The following NAV3 variants were observed in gnomAD, a reference collection of about 807,000 sequenced individuals.
The protein encoded by NAV3 is neuron navigator 3.
Under a neutral mutation model 244.7 loss-of-function variants are expected in NAV3, and 87 were observed. The observed-to-expected ratio is 0.36, with a 90% CI of 0.30 to 0.42. NAV3 has a LOEUF of 0.42. NAV3 is among the 20% of genes least tolerant of loss of function. NAV3 has a pLI of 1.00. For synonymous variants in NAV3, 1,126 were observed against 1,042.2 expected (o/e 1.08, Z -1.55); for missense variants, 2,663 against 2,893.3 (o/e 0.92, Z 1.83).
intron 1 of NAV3, among the ~76,000 whole-genome samples, chr12:77,880,265 G>A (rs929098484): frequency 6.6e-6 from 1 of 152,162 alleles, no homozygotes; most frequent in African/African-American, 2.4e-5. Context: ...CCAGCAGGAA[G>A]CCTGAGGAAG....
At chr12:78,138,200 C>T (rs1198494648) in intron 19 of NAV3, among the ~76,000 whole-genome samples, 1 of 152,024 alleles carries the variant, frequency 6.6e-6, no homozygotes, top group Non-Finnish European at 1.5e-5. Context: ...AGAAAAGTCT[C>T]CAAATCTTGA....
chr12:78,022,341 A>G (rs1476551823), intron 9 of NAV3, among the ~76,000 whole-genome samples: 1 of 152,150 alleles, frequency 6.6e-6, no homozygotes, highest in Non-Finnish European at 1.5e-5. Flanking sequence ...AGACACAGTT[A>G]TCATGTTTTT....
In NAV3 at chr12:77,952,142, T is replaced by G. The variant is rs189118767; in HGVS notation, c.414+11009T>G. Among the ~76,000 whole-genome samples the G allele has an allele frequency of 9.1e-4, 139 of 152,194 alleles. 1 individual carries two copies. The highest frequency in any genetic ancestry group is 6.8e-3 in the Middle Eastern group (2 of 294). On this transcript the variant is annotated intron_variant, in intron 3 of 39. Transcript: ENST00000397909. ...GTTCTTTGTAAACTTCGGATGATGA[T>G]TGTGTCTTCTGTAAATATTTCTGCT...
At chr12:77,829,307 A>ATTTTT (rs1172941586), upstream of NAV3, among the ~76,000 whole-genome samples, 1 of 152,126 alleles carries the variant, frequency 6.6e-6, no homozygotes, top group African/African-American at 2.4e-5. Flanking sequence ...TTTTTATGTA[A>ATTTTT]TTCTGAGTCA....
intron 5 of NAV3, among the ~76,000 whole-genome samples, chr12:77,993,851 G>A (rs1484837030): frequency 6.6e-6 from 1 of 152,094 alleles, no homozygotes; most frequent in African/African-American, 2.4e-5. Flanking sequence ...CCGGATTCAT[G>A]TCGAGCCATT....
rs760869929 is a variant in NAV3, at chr12:78,119,617, C to A, written c.3421C>A (p.Pro1141Thr). Reference protein sequence around the residue: ...TTLQYRSLPRPSKSSTSGIPG... With the variant: ...TTLQYRSLPRTSKSSTSGIPG... ...CCTACAATATCGCAGCTTGCCCCGC[C>A]CTTCAAAATCCAGCACCAGTGGCAT... is the stretch of plus-strand genomic sequence containing the variant. Residue 1141 changes from proline to threonine, a missense_variant, in exon 15 of 40, where the codon CCT becomes ACT. Pro to Thr is a conservative substitution (Grantham distance 38, BLOSUM62 -1). Transcript: ENST00000397909. The A allele has an allele frequency of 6.2e-7, 1 of 1,614,182 alleles. No homozygotes were observed. The highest frequency in any genetic ancestry group is 1.7e-5 in the Admixed American group (1 of 60,020).
chr12:77,782,704 G>T (rs967214513), intron 2 of NAV3, among the ~76,000 whole-genome samples: 3 of 151,824 alleles, frequency 2.0e-5, no homozygotes, highest in African/African-American at 4.9e-5. Context: ...TTTCCAAAGG[G>T]ATCATCACAC....
At chr12:77,740,795 A>G (rs1035538878) in intron 2 of NAV3, among the ~76,000 whole-genome samples, 26 of 152,118 alleles carry the variant, frequency 1.7e-4, no homozygotes, top group African/African-American at 5.8e-4. Flanking sequence ...CTGGGGGGCT[A>G]TGAGAAGGCA....
At chr12:77,878,751 C>T (rs779178688) in intron 1 of NAV3, among the ~76,000 whole-genome samples, 21 of 150,156 alleles carry the variant, frequency 1.4e-4, no homozygotes, top group Non-Finnish European at 2.8e-4. Flanking sequence ...TGAGCTTAGA[C>T]ATGTTGATTA....
intron 2 of NAV3, among the ~76,000 whole-genome samples, chr12:77,610,549 A>G (rs1255742827): frequency 3.3e-5 from 5 of 152,126 alleles, no homozygotes; most frequent in Admixed American, 2.0e-4. Context: ...TAGACAAGCC[A>G]TGTACATTCA....
chr12:77,831,775 CAT>C, intron 1 of NAV3, 71 bp downstream of exon 1: 4 of 1,491,378 alleles, frequency 2.7e-6, no homozygotes, highest in Non-Finnish European at 2.7e-6. Flanking sequence ...CACTATAAAA[CAT>C]GTTATGAAAT....
intron 2 of NAV3, among the ~76,000 whole-genome samples, chr12:77,626,791 T>A (rs190140773): frequency 6.6e-6 from 1 of 152,242 alleles, no homozygotes; most frequent in East Asian, 1.9e-4. Flanking sequence ...GACCAGTCAT[T>A]AGGACTTAAA....
intron 8 of NAV3, among the ~76,000 whole-genome samples, chr12:78,016,635 C>CT (rs1876262617): frequency 6.6e-6 from 1 of 151,992 alleles, no homozygotes; most frequent in South Asian, 2.1e-4. Context: ...CTTTTCTTTC[C>CT]TTTTTGTTGG....
chr12:78,208,462 A>T (rs2140120810), intron 39 of NAV3, among the ~76,000 whole-genome samples: 1 of 152,310 alleles, frequency 6.6e-6, no homozygotes, highest in Non-Finnish European at 1.5e-5. Flanking sequence ...GGGGAAGAAG[A>T]GAGGAAAAAT....
intron 20 of NAV3, among the ~76,000 whole-genome samples, chr12:78,143,625 AG>A (rs71088360): frequency 0.21 from 13,851 of 66,190 alleles, 896 homozygotes; most frequent in East Asian, 0.34. Context: ...ACACTGTCTC[AG>A]AAAAAAAAAA....
At chr12:77,718,313 C>T (rs921346265) in intron 2 of NAV3, among the ~76,000 whole-genome samples, 31 of 152,098 alleles carry the variant, frequency 2.0e-4, no homozygotes, top group Non-Finnish European at 1.9e-4. Flanking sequence ...TTTCCCATCA[C>T]CATTTGTTTA....
intron 2 of NAV3, among the ~76,000 whole-genome samples, chr12:77,631,317 T>C (rs981698156): frequency 3.2e-4 from 49 of 151,826 alleles, no homozygotes; most frequent in Non-Finnish European, 6.6e-4. Flanking sequence ...AGGGTACCAT[T>C]TGGCAAGTAG....
intron 2 of NAV3, among the ~76,000 whole-genome samples, chr12:77,811,388 G>A (rs997634416): frequency 1.3e-5 from 2 of 152,164 alleles, no homozygotes; most frequent in African/African-American, 4.8e-5. Context: ...ATATTATAAA[G>A]CATGTATTAA....
intron 37 of NAV3, 117 bp downstream of exon 37, chr12:78,199,648 GATTT>G (rs1959423107): frequency 1.4e-6 from 1 of 715,216 alleles, no homozygotes; most frequent in Non-Finnish European, 2.1e-6. Flanking sequence ...AGCTTCCAAA[GATTT>G]ATTTTTTTCC....
Sources: allele counts gnomAD v4.1 joint callset (sites outside exome capture counted in the v4.1 genomes callset), GRCh38; gene constraint gnomAD v4.1.1; transcripts MANE v1.5; gene names NCBI Gene and HGNC (gene_info 2026-07-23, HGNC 2026-07-21).